GRK7: variants seen among roughly 807,000 people sequenced by gnomAD.
The protein encoded by GRK7 is G protein-coupled receptor kinase 7.
In GRK7, 24 loss-of-function variants were observed where a neutral mutation model predicts 34.1. That is an observed-to-expected ratio of 0.70 (90% CI 0.51 to 0.99). The LOEUF (loss-of-function observed/expected upper bound fraction) is 0.99, where lower values mean the gene tolerates loss of function less well. Ranked by LOEUF, GRK7 falls within the 50% of genes least tolerant of loss-of-function variation. GRK7 has a pLI of 0.00. For missense variants in GRK7, 644 were observed against 707.3 expected (o/e 0.91, Z 1.02); for synonymous variants, 256 against 279.4 (o/e 0.92, Z 0.84).
upstream of GRK7, among the ~76,000 whole-genome samples, chr3:141,762,271 G>C (rs541566114): frequency 6.6e-6 from 1 of 152,064 alleles, no homozygotes; most frequent in Non-Finnish European, 1.5e-5. Context: ...TCTTGATGAT[G>C]GTGATGTACA....
Position 141,806,349 on chromosome 3 carries a change from G to A in GRK7, c.1051-1296G>A, listed in dbSNP as rs368467467. Among the ~76,000 whole-genome samples, 16 of 152,190 alleles carry A rather than the reference G, an allele frequency of 1.1e-4. 1 individual carries two copies. The highest frequency in any genetic ancestry group is 3.4e-3 in the Middle Eastern group (1 of 294). ...AGGCCGAGGCGGGAGGATCACTTGA[G>A]GTCAGGGGTTCAAGACCAGCCTGGC... On this transcript the variant is annotated intron_variant, in intron 4 of 5. Coordinates refer to ENST00000682958, the MANE Select transcript of GRK7 (RefSeq NM_139209.3).
intron 4 of GRK7, among the ~76,000 whole-genome samples, chr3:141,799,806 T>C (rs1710932587): frequency 6.6e-6 from 1 of 152,200 alleles, no homozygotes; most frequent in South Asian, 2.1e-4. Context: ...TCAATAATGT[T>C]TTCCATTATT....
intron 4 of GRK7, among the ~76,000 whole-genome samples, chr3:141,801,599 G>A (rs1710967413): frequency 2.0e-5 from 3 of 152,040 alleles, no homozygotes; most frequent in Admixed American, 2.0e-4. Context: ...AAGTTTATAG[G>A]ACAGTTGGTA....
At chr3:141,801,791 A>G (rs551318678) in intron 4 of GRK7, among the ~76,000 whole-genome samples, 30 of 152,304 alleles carry the variant, frequency 2.0e-4, no homozygotes, top group African/African-American at 6.5e-4. Context: ...AGATGAGACA[A>G]TATTGGCCAT....
In GRK7 at chr3:141,773,710, G is replaced by A. The variant is rs952635110; in HGVS notation, c.-214-870G>A. ...ATTACAGGCATGAGCCACCGCGCCC[G>A]GCCTGATGGTCGTGATTTAAAAGCT... is the stretch of plus-strand genomic sequence containing the variant. On this transcript the variant is annotated intron_variant, in intron 1 of 5. Transcript: ENST00000682958. Among the ~76,000 whole-genome samples, 6 of 152,132 alleles carry A rather than the reference G, an allele frequency of 3.9e-5. No homozygotes were observed. The East Asian group carries it at 5.8e-4, about 15-fold the overall frequency.
intron 4 of GRK7, among the ~76,000 whole-genome samples, chr3:141,797,586 T>G (rs1220697251): frequency 6.6e-6 from 1 of 152,178 alleles, no homozygotes; most frequent in African/African-American, 2.4e-5. Context: ...ATGTACATTC[T>G]GATTCCCTCT....
At position 141,786,122 on chromosome 3, in the gene GRK7, G is replaced by A. The variant is rs560124900; in HGVS notation, c.1050+5311G>A. Among the ~76,000 whole-genome samples the A allele has an allele frequency of 2.6e-4, 39 of 152,188 alleles. No homozygotes were observed. In the South Asian group the frequency reaches 7.7e-3, roughly 30 times the overall value. The stretch of plus-strand genomic sequence containing the variant: ...ATGTTCACTTCTAGCAGCAAAGGAG[G>A]CTGAAAAATAGAGTATTTCATTTTC... On this transcript the variant is annotated intron_variant, in intron 4 of 5. Transcript: ENST00000682958.
chr3:141,815,065 C>G (rs888056179), intron 5 of GRK7, among the ~76,000 whole-genome samples: 1 of 151,856 alleles, frequency 6.6e-6, no homozygotes, highest in Non-Finnish European at 1.5e-5. Context: ...GCTGGGACTA[C>G]AGGCACACTC....
At chr3:141,785,039 CCTTTCCTTATAAAATA>C (rs760281125) in intron 4 of GRK7, among the ~76,000 whole-genome samples, 12 of 152,324 alleles carry the variant, frequency 7.9e-5, no homozygotes, top group South Asian at 2.1e-4. Context: ...CCTCAACCTT[CCTTTCCTTATAAAATA>C]CTTTCCTTAT....
intron 5 of GRK7, among the ~76,000 whole-genome samples, chr3:141,809,964 T>A (rs1420802127): frequency 4.6e-5 from 7 of 152,216 alleles, no homozygotes; most frequent in Non-Finnish European, 8.8e-5. Context: ...TAGGCCACAA[T>A]ACTCAGATAT....
At position 141,780,468 on chromosome 3, in the gene GRK7, C is replaced by G. The variant is rs754889750; in HGVS notation, c.707C>G (p.Ala236Gly). 8.7e-6 allele frequency: 14 copies of G among 1,614,230 alleles called. No individual in the cohort carries two copies. The Admixed American group carries it at 1.2e-4, about 13-fold the overall frequency. ...RLKKKGGEKMALLEKEILEKV... is the reference protein window; with the variant it reads ...RLKKKGGEKMGLLEKEILEKV... ...AAGAAGAAAGGTGGCGAGAAGATGG[C>G]TCTCTTGGAAAAGGAAATCTTGGAG... The change falls in exon 4 of 6, where the codon GCT (alanine) becomes GGT (glycine). Residue 236 changes from alanine to glycine, a missense_variant. Transcript: ENST00000682958.
intron 4 of GRK7, among the ~76,000 whole-genome samples, chr3:141,782,467 C>G (rs1409413594): frequency 6.6e-6 from 1 of 152,098 alleles, no homozygotes; most frequent in African/African-American, 2.4e-5. Context: ...GTAGAAGGGA[C>G]AGGCAGAGAT....
Position 141,816,582 on chromosome 3 carries a change from TTATG to T in GRK7, c.1326-130_1326-127del, listed in dbSNP as rs1255537119. ...AAAGTTATTATTTTTCAGTTATTCT[TTATG>T]TTATTATATTGTCTTTGCAATTAAA... is the stretch of plus-strand genomic sequence containing the variant. On this transcript the variant is annotated intron_variant, in intron 5 of 5. Transcript: ENST00000682958. The T allele has an allele frequency of 2.9e-4, 149 of 508,370 alleles. 1 individual carries two copies. Among genetic ancestry groups the T allele is most frequent in the Non-Finnish European group, 1.0e-5 (3 of 294,282 alleles). The allele number at this position is 508,370 out of a possible 1,614,324, so 31.5% of individuals were successfully genotyped here.
At chr3:141,783,295 A>T (rs1273200085) in intron 4 of GRK7, among the ~76,000 whole-genome samples, 1 of 152,248 alleles carries the variant, frequency 6.6e-6, no homozygotes, top group African/African-American at 2.4e-5. Flanking sequence ...TAAAAAGGGA[A>T]TTATAATTAA....
chr3:141,807,645 G>T lies in GRK7; in HGVS notation c.1051G>T (p.Ala351Ser), dbSNP rs199678773. The T allele has an allele frequency of 1.2e-5, 20 of 1,613,582 alleles. No homozygotes were observed. The African/African-American group carries it at 1.5e-4, about 12-fold the overall frequency. The change falls in exon 5 of 6, where the codon GCT becomes TCT. Residue 351 changes from alanine (A) to serine (S), a missense_variant and splice_region_variant. Physicochemically the swap from Ala to Ser is moderately conservative, Grantham distance 99. Coordinates refer to ENST00000682958, the MANE Select transcript of GRK7 (RefSeq NM_139209.3). Reference protein sequence around the residue: ...MKGGKPITQRAGTNGYMAPEI... With the variant: ...MKGGKPITQRSGTNGYMAPEI... The stretch of plus-strand genomic sequence containing the variant: ...TTGTTTTTTGTTTGGGATGTTACAG[G>T]CTGGAACCAATGGTTACATGGCTCC...
chr3:141,809,674 G>T (rs1039720102), intron 5 of GRK7, among the ~76,000 whole-genome samples: 1 of 152,072 alleles, frequency 6.6e-6, no homozygotes, highest in African/African-American at 2.4e-5. Flanking sequence ...CTCCAGCATG[G>T]GTGGCAGAGC....
rs187489521 is a variant in GRK7 at position 141,805,989 on chromosome 3, T to G, written c.1051-1656T>G. ...TCCAACCTTTCCTGAAGTACTGAAA[T>G]GCATAGTTGTAATCAGTGGGTGACA... On this transcript the variant is annotated intron_variant, in intron 4 of 5. Transcript: ENST00000682958. 4.5e-4 allele frequency among the ~76,000 whole-genome samples: 69 copies of G among 152,248 alleles called. 1 individual carries two copies. Among genetic ancestry groups the G allele is most frequent in the Admixed American group, 4.1e-3 (62 of 15,276 alleles).
intron 5 of GRK7, among the ~76,000 whole-genome samples, chr3:141,810,427 T>C (rs1359293288): frequency 1.1e-5 from 1 of 94,342 alleles, no homozygotes; most frequent in Non-Finnish European, 2.1e-5. Flanking sequence ...GATTTATATG[T>C]GTACACTCAC....
chr3:141,784,467 G>A (rs2084686465), intron 4 of GRK7, among the ~76,000 whole-genome samples: 1 of 152,156 alleles, frequency 6.6e-6, no homozygotes, highest in South Asian at 2.1e-4. Flanking sequence ...GAGCAAGATT[G>A]AAAGCCATAA....
Sources: gnomAD v4.1 joint callset for allele counts (sites outside exome capture counted in the v4.1 genomes callset) on GRCh38, gnomAD v4.1.1 for gene constraint, MANE v1.5 for transcripts, NCBI Gene and HGNC (gene_info 2026-07-23, HGNC 2026-07-21) for gene names.